The following HAS3 variants were observed in gnomAD, a reference collection of about 807,000 sequenced individuals.
The protein encoded by HAS3 is hyaluronan synthase 3.
HAS3 carries 27 observed loss-of-function variants against 50.3 expected under a neutral mutation model. The ratio of observed to expected loss-of-function variants is 0.54; its 90% CI spans 0.40 to 0.74. The LOEUF (loss-of-function observed/expected upper bound fraction) is 0.74. Among genes scored for constraint, HAS3 ranks in the 30% least tolerant of loss-of-function variants. HAS3 has a pLI of 0.00. For synonymous variants in HAS3, 339 were observed against 310.9 expected, an observed-to-expected ratio of 1.09 and a Z score of -0.95; for missense variants, 517 against 742.8, an observed-to-expected ratio of 0.70 and a Z score of 3.53.
At chr16:69,112,440 T>A (rs1340556217) in intron 2 of HAS3, among the ~76,000 whole-genome samples, 1 of 152,196 alleles carries the variant, frequency 6.6e-6, no homozygotes, top group East Asian at 1.9e-4. Flanking sequence ...GGCCACCCTG[T>A]CTTCCAACAT....
chr16:69,114,100 C>T lies in HAS3; in HGVS notation c.739-243C>T, dbSNP rs1305068940. Reference sequence around the variant, plus strand: ...CCGAAGGTGGCTTTGACTGCTAGAGCCACTTAGTGGGGAAAATCTCTGCAG... The same window carrying T: ...CCGAAGGTGGCTTTGACTGCTAGAGTCACTTAGTGGGGAAAATCTCTGCAG... On this transcript the variant is annotated intron_variant, in intron 3 of 3. Transcript: ENST00000569188. The surrounding 1 kb of genome is among the most constrained non-coding windows in gnomAD (Gnocchi z 6.4). 6.6e-6 allele frequency among the ~76,000 whole-genome samples: 1 copy of T among 152,166 alleles called. No homozygotes were observed. Among genetic ancestry groups the T allele is most frequent in the African/African-American group, 2.4e-5 (1 of 41,434 alleles).
chr16:69,105,662 C>T lies in HAS3; in HGVS notation c.-126C>T, dbSNP rs1960770440. The stretch of plus-strand genomic sequence containing the variant: ...CCTTTTTACATTTGACAATTCTCTT[C>T]AGCGCCTCTTTCCTGCCAGCAGGAA... On this transcript the variant is annotated 5_prime_UTR_variant, in exon 1 of 4. Coordinates refer to ENST00000569188, the MANE Select transcript of HAS3 (RefSeq NM_001199280.2). 1 of 152,262 alleles carries T rather than the reference C, an allele frequency of 6.6e-6. No homozygotes were observed. Among genetic ancestry groups the T allele is most frequent in the Admixed American group, 6.5e-5 (1 of 15,286 alleles). 9.4% of individuals were successfully genotyped at this position (152,262 alleles called of 1,614,324 possible).
At chr16:69,094,101 G>T in the HAS3 span, among the ~76,000 whole-genome samples, 2 of 152,208 alleles carry the variant, frequency 1.3e-5, no homozygotes, top group African/African-American at 2.4e-5. Context: ...AGTGGGTGTG[G>T]TGCCGGAGCA....
chr16:69,092,600 C>CAA, the HAS3 span, among the ~76,000 whole-genome samples: 69 of 99,368 alleles, frequency 6.9e-4, no homozygotes, highest in Admixed American at 1.5e-3. Flanking sequence ...AACTCCGTCT[C>CAA]AAAAAAAAAA....
upstream of HAS3, among the ~76,000 whole-genome samples, chr16:69,104,387 C>T (rs1960732829): frequency 1.3e-5 from 2 of 151,648 alleles, no homozygotes; most frequent in Admixed American, 1.3e-4. Context: ...ACCTCTGTCT[C>T]CTGGGTTTAA....
the HAS3 span, among the ~76,000 whole-genome samples, chr16:69,086,322 T>C: frequency 6.6e-6 from 1 of 151,408 alleles, no homozygotes; most frequent in South Asian, 2.1e-4. Context: ...GTGTGCACTA[T>C]TGCACCTGGC....
chr16:69,118,108 T>G, downstream of HAS3: 7 of 524,206 alleles, frequency 1.3e-5, no homozygotes, highest in East Asian at 3.4e-5. Context: ...AGCACAGTGA[T>G]TTCTTCCCTT....
the HAS3 span, among the ~76,000 whole-genome samples, chr16:69,094,523 A>C: frequency 1.3e-5 from 2 of 152,170 alleles, no homozygotes; most frequent in Non-Finnish European, 2.9e-5. Context: ...ACAGGTGCTA[A>C]GTTGTGTGTC....
At chr16:69,118,278 C>CCAGT (rs1284684739), downstream of HAS3, 3 of 915,596 alleles carry the variant, frequency 3.3e-6, no homozygotes, top group African/African-American at 1.6e-5. Context: ...AGCTGCAGGC[C>CCAGT]CAGTCAGTCA....
At chr16:69,092,112 G>A in the HAS3 span, among the ~76,000 whole-genome samples, 5 of 152,172 alleles carry the variant, frequency 3.3e-5, no homozygotes, top group Non-Finnish European at 7.3e-5. Flanking sequence ...CTATGACCCT[G>A]TTCTACAGAT....
At position 69,114,702 on chromosome 16, in the gene HAS3, C is replaced by T. The variant is rs779264339; in HGVS notation, c.1098C>T (p.Leu366=). 6.2e-7 allele frequency: 1 copy of T among 1,614,174 alleles called. No individual in the cohort carries two copies. The highest frequency in any genetic ancestry group is 8.5e-7 in the Non-Finnish European group (1 of 1,180,040). ...RWSKSYFREW[L]YNSLWFHKHH... ...GCAAGTCTTACTTCCGGGAGTGGCT[C>T]TACAACTCTCTGTGGTTCCATAAGC... is the stretch of plus-strand genomic sequence containing the variant. Residue 366 remains leucine, a synonymous_variant, in exon 4 of 4, where the codon CTC becomes CTT. Coordinates refer to ENST00000569188, the MANE Select transcript of HAS3 (RefSeq NM_001199280.2). This position sits in a 1 kb window ranked among gnomAD's most constrained non-coding sequence, Gnocchi z 6.4.
At chr16:69,118,683 C>G, downstream of HAS3, 1 of 670,664 alleles carries the variant, frequency 1.5e-6, no homozygotes, top group Non-Finnish European at 2.7e-6. Flanking sequence ...CCACAAATAA[C>G]ATCTCACCTT....
At chr16:69,083,676 A>T in the HAS3 span, 4 of 1,551,032 alleles carry the variant, frequency 2.6e-6, no homozygotes, top group Non-Finnish European at 3.5e-6. Flanking sequence ...GGCTCCAAGG[A>T]CGTGGAGGAG....
At chr16:69,091,053 G>C in the HAS3 span, among the ~76,000 whole-genome samples, 2 of 152,142 alleles carry the variant, frequency 1.3e-5, no homozygotes, top group Non-Finnish European at 2.9e-5. Flanking sequence ...TTTTTACACT[G>C]TGCATTGCTG....
At chr16:69,094,768 C>G in the HAS3 span, among the ~76,000 whole-genome samples, 2 of 152,126 alleles carry the variant, frequency 1.3e-5, no homozygotes, top group Non-Finnish European at 2.9e-5. Context: ...TTTCCCAGTT[C>G]TGGAAAAAGG....
chr16:69,103,002 C>CGTGT (rs1555531811), upstream of HAS3, among the ~76,000 whole-genome samples: 351 of 115,170 alleles, frequency 3.0e-3, 1 homozygote, highest in African/African-American at 0.011. Context: ...GTGGAGTGTG[C>CGTGT]ATGTGTGTGT....
chr16:69,103,045 C>T (rs1459131779), upstream of HAS3, among the ~76,000 whole-genome samples: 2 of 126,744 alleles, frequency 1.6e-5, no homozygotes, highest in African/African-American at 5.9e-5. Context: ...GTGTGTGTTT[C>T]CTTCAACATT....
chr16:69,088,071 A>G, the HAS3 span, among the ~76,000 whole-genome samples: 3 of 151,964 alleles, frequency 2.0e-5, no homozygotes, highest in Non-Finnish European at 4.4e-5. Flanking sequence ...GCTCATCCAC[A>G]TGTAAGAGCC....
chr16:69,095,211 C>A, the HAS3 span, among the ~76,000 whole-genome samples: 3 of 152,194 alleles, frequency 2.0e-5, no homozygotes, highest in Non-Finnish European at 4.4e-5. Flanking sequence ...TCTTGAACTC[C>A]TGGCCTCAAG....
Sources: gnomAD v4.1 joint callset for allele counts (sites outside exome capture counted in the v4.1 genomes callset) on GRCh38, gnomAD v4.1.1 for gene constraint, Gnocchi (gnomAD v3.1) non-coding constraint, MANE v1.5 for transcripts, NCBI Gene and HGNC (gene_info 2026-07-23, HGNC 2026-07-21) for gene names.